BIK: variants seen among roughly 807,000 people sequenced by gnomAD.
BIK encodes the protein BCL2 interacting killer, also known as bcl-2-interacting killer.
BIK carries 14 observed loss-of-function variants against 12.1 expected under a neutral mutation model. That is an observed-to-expected ratio of 1.16 (90% CI 0.77 to 1.81). The LOEUF (loss-of-function observed/expected upper bound fraction) is 1.81. Among genes scored for constraint, BIK ranks in the 40% most tolerant of loss-of-function variants. The pLI is 0.00. For synonymous variants in BIK, 86 were observed against 92.3 expected (o/e 0.93, Z 0.39); for missense variants, 215 against 207.9 (o/e 1.03, Z -0.21).
At chr22:43,111,122 C>T (rs939088773) in intron 1 of BIK, among the ~76,000 whole-genome samples, 5 of 152,206 alleles carry the variant, frequency 3.3e-5, no homozygotes, top group African/African-American at 7.2e-5. Flanking sequence ...CGCCGCCGCA[C>T]AGTCCTCCAG....
intron 1 of BIK, 99 bp from the exon 2 acceptor site, chr22:43,123,916 CT>C: frequency 7.8e-7 from 1 of 1,279,868 alleles, no homozygotes; most frequent in Admixed American, 2.2e-5. Flanking sequence ...ATCAAAAGAG[CT>C]GGTGAGTAGG....
rs1309746383 is a variant in BIK, at chr22:43,127,569, C to T, written c.162-128C>T. 15 of 819,154 alleles carry T rather than the reference C, an allele frequency of 1.8e-5. No homozygotes were observed. The East Asian group carries it at 3.8e-4, about 21-fold the overall frequency. The allele number at this position is 819,154 out of a possible 1,614,324, so 50.7% of individuals were successfully genotyped here. On this transcript the variant is annotated intron_variant, in intron 2 of 4. Coordinates refer to ENST00000216115, the MANE Select transcript of BIK (RefSeq NM_001197.5). ...AGGGAGGCCCACTCACTGCCTGCCC[C>T]AAATCTGACACCATCTCTTATCCTC...
At chr22:43,122,669 A>G (rs1378381321) in intron 1 of BIK, among the ~76,000 whole-genome samples, 1 of 152,162 alleles carries the variant, frequency 6.6e-6, no homozygotes, top group Non-Finnish European at 1.5e-5. Flanking sequence ...GGGATTCGCA[A>G]TGATCATAGT....
At position 43,112,199 on chromosome 22, in the gene BIK, T is replaced by C. The variant is rs1262830194; in HGVS notation, c.-8+1396T>C. ...TGGCACAGTTTGGGTGTTTTTTGTT[T>C]CTTTTTGTTTTTTTTTGAAACAGAG... On this transcript the variant is annotated intron_variant, in intron 1 of 4. Coordinates refer to ENST00000216115, the MANE Select transcript of BIK (RefSeq NM_001197.5). Among the ~76,000 whole-genome samples, 5 of 151,906 alleles carry C rather than the reference T, an allele frequency of 3.3e-5. No individual in the cohort carries two copies. The East Asian group carries it at 9.6e-4, about 29-fold the overall frequency.
At chr22:43,114,456 C>T (rs1930071179) in intron 1 of BIK, among the ~76,000 whole-genome samples, 1 of 152,134 alleles carries the variant, frequency 6.6e-6, no homozygotes, top group Non-Finnish European at 1.5e-5. Context: ...GCGCGTGCCA[C>T]CACACCAGGC....
intron 1 of BIK, among the ~76,000 whole-genome samples, chr22:43,111,079 T>A (rs1930000682): frequency 6.6e-6 from 1 of 151,956 alleles, no homozygotes; most frequent in Non-Finnish European, 1.5e-5. Context: ...GGGTGGTCCC[T>A]CTGCGTCTCG....
intron 1 of BIK, among the ~76,000 whole-genome samples, chr22:43,123,644 G>A (rs760150588): frequency 1.7e-4 from 26 of 152,230 alleles, no homozygotes; most frequent in Non-Finnish European, 2.8e-4. Flanking sequence ...CCAGCTACTC[G>A]GGAGGCTGAG....
intron 2 of BIK, among the ~76,000 whole-genome samples, chr22:43,126,098 C>T (rs898650626): frequency 1.5e-4 from 23 of 151,276 alleles, no homozygotes; most frequent in Non-Finnish European, 3.1e-4. Context: ...GATCTTGGCT[C>T]ACTGCAACCT....
rs138352717 is a variant in BIK at position 43,127,761 on chromosome 22, C to T, written c.226C>T (p.Arg76Cys). The change falls in exon 3 of 5, where the codon CGC becomes TGC. Residue 76 changes from arginine to cysteine, a missense_variant. By Grantham distance (180) the Arg-to-Cys change is radical (BLOSUM62 -3). Transcript: ENST00000216115. ...GATGGACGTGAGCCTCAGGGCCCCG[C>T]GCCTGGCCCAGCTCTCCGAGGTGGC... ...DEMDVSLRAPRLAQLSEVAMH... is the reference protein window; with the variant it reads ...DEMDVSLRAPCLAQLSEVAMH... 52 of 1,553,368 alleles carry T rather than the reference C, an allele frequency of 3.3e-5. No individual in the cohort carries two copies. Among genetic ancestry groups the T allele is most frequent in the African/African-American group, 3.0e-4 (22 of 73,370 alleles).
rs117360425 is a variant in BIK, at chr22:43,123,231, C to T, written c.-7-785C>T. On this transcript the variant is annotated intron_variant, in intron 1 of 4. Transcript: ENST00000216115. ...CTCTCTGGGAATGGGGATTGTGATA[C>T]GTTTTTCTCATGCTGCCTCTCTGCC... 3.4e-3 allele frequency among the ~76,000 whole-genome samples: 514 copies of T among 152,084 alleles called. 3 individuals carry two copies. The highest frequency in any genetic ancestry group is 6.1e-3 in the Non-Finnish European group (417 of 67,904).
intron 3 of BIK, among the ~76,000 whole-genome samples, chr22:43,128,057 T>C (rs1930355602): frequency 6.6e-6 from 1 of 152,102 alleles, no homozygotes; most frequent in South Asian, 2.1e-4. Flanking sequence ...CTCGCCGTCC[T>C]CATTGAGCCC....
At chr22:43,117,376 C>CTTTTTT (rs563637219) in intron 1 of BIK, among the ~76,000 whole-genome samples, 1 of 123,460 alleles carries the variant, frequency 8.1e-6, no homozygotes, top group Non-Finnish European at 1.8e-5. Context: ...TTTTCTTTTT[C>CTTTTTT]TTTTTTTTTT....
Position 43,129,471 on chromosome 22 carries a change from G to A in BIK, c.*166G>A, listed in dbSNP as rs375152018. The A allele has an allele frequency of 1.9e-6, 2 of 1,057,328 alleles. No individual in the cohort carries two copies. The highest frequency in any genetic ancestry group is 1.7e-5 in the African/African-American group (1 of 57,842). 65.5% of individuals were successfully genotyped at this position (1,057,328 alleles called of 1,614,324 possible). On this transcript the variant is annotated 3_prime_UTR_variant, in exon 5 of 5. Coordinates refer to ENST00000216115, the MANE Select transcript of BIK (RefSeq NM_001197.5). ...CTGAGGTTTTATACTCAGGTTTTTT[G>A]TTTTTTTTTTATTCCAGTTTTCGTT...
chr22:43,128,723 C>T, intron 4 of BIK, 98 bp downstream of exon 4: 1 of 1,464,168 alleles, frequency 6.8e-7, no homozygotes, highest in Non-Finnish European at 9.2e-7. Context: ...CACTCCGTAT[C>T]ATCATCTGTG....
chr22:43,114,757 G>T (rs1170460793), intron 1 of BIK, among the ~76,000 whole-genome samples: 1 of 152,226 alleles, frequency 6.6e-6, no homozygotes, highest in Non-Finnish European at 1.5e-5. Context: ...ACCGTGAGGT[G>T]GTCAGCACGG....
At chr22:43,112,189 GTT>G (rs910397788) in intron 1 of BIK, among the ~76,000 whole-genome samples, 1 of 151,918 alleles carries the variant, frequency 6.6e-6, no homozygotes, top group African/African-American at 2.4e-5. Context: ...CAGTTTGGGT[GTT>G]TTTTGTTTCT....
chr22:43,128,641 T>C lies in BIK; in HGVS notation c.390+16T>C. On this transcript the variant is annotated intron_variant, in intron 4 of 4. Transcript: ENST00000216115. ...CGGGTCCTGGGTAAGAGCCTTGAGATCCCTGACCCTGACTTGCGCTGCGGC... is the reference window on the plus strand; with the variant it reads ...CGGGTCCTGGGTAAGAGCCTTGAGACCCCTGACCCTGACTTGCGCTGCGGC... 1.9e-6 allele frequency: 3 copies of C among 1,595,660 alleles called. No individual in the cohort carries two copies. The highest frequency in any genetic ancestry group is 2.6e-6 in the Non-Finnish European group (3 of 1,169,438).
intron 1 of BIK, among the ~76,000 whole-genome samples, chr22:43,122,014 A>G (rs550445086): frequency 6.6e-6 from 1 of 152,320 alleles, no homozygotes; most frequent in South Asian, 2.1e-4. Flanking sequence ...TACAGGCGTG[A>G]GCCACCGCAC....
In BIK at chr22:43,124,883, C is replaced by T. The variant is rs374420634; in HGVS notation, c.161+700C>T. Among the ~76,000 whole-genome samples, 17 of 152,268 alleles carry T rather than the reference C, an allele frequency of 1.1e-4. 1 individual carries two copies. The highest frequency in any genetic ancestry group is 4.1e-4 in the African/African-American group (17 of 41,558). On this transcript the variant is annotated intron_variant, in intron 2 of 4. Coordinates refer to ENST00000216115, the MANE Select transcript of BIK (RefSeq NM_001197.5). ...CTCCAGCCTGGGCAACAGAGCGAGA[C>T]TCCATCTCAAAAAAAGAAAACCTAC... is the stretch of plus-strand genomic sequence containing the variant.
Sources: gnomAD v4.1 joint callset for allele counts (sites outside exome capture counted in the v4.1 genomes callset) on GRCh38, gnomAD v4.1.1 for gene constraint, MANE v1.5 for transcripts, NCBI Gene and HGNC (gene_info 2026-07-23, HGNC 2026-07-21) for gene names.